The following SPMAP2L variants were observed in gnomAD, a reference collection of about 807,000 sequenced individuals.
SPMAP2L encodes sperm microtubule associated protein 2-like.
At chr4:56,563,827 G>T in the SPMAP2L span, among the ~76,000 whole-genome samples, 1 of 152,100 alleles carries the variant, frequency 6.6e-6, no homozygotes, top group Non-Finnish European at 1.5e-5. Context: ...ATCTATGTCC[G>T]TGAGGGATAT....
the SPMAP2L span, among the ~76,000 whole-genome samples, chr4:56,588,634 C>T: frequency 4.6e-5 from 7 of 151,994 alleles, no homozygotes; most frequent in Non-Finnish European, 8.8e-5. Context: ...TTTCTCTATA[C>T]GGGTTAGGCT....
At chr4:56,595,777 T>C in the SPMAP2L span, 3 of 804,740 alleles carry the variant, frequency 3.7e-6, no homozygotes, top group South Asian at 1.3e-5. Flanking sequence ...GAGCATTTGA[T>C]AAGCAAGAAA....
chr4:56,593,923 C>G, the SPMAP2L span: 14 of 1,608,898 alleles, frequency 8.7e-6, no homozygotes, highest in Non-Finnish European at 1.2e-5. Context: ...CAGAAGGTCT[C>G]AAGCGAGCAG....
the SPMAP2L span, among the ~76,000 whole-genome samples, chr4:56,546,084 G>C: frequency 6.6e-6 from 1 of 152,124 alleles, no homozygotes; most frequent in Non-Finnish European, 1.5e-5. Flanking sequence ...ATAAGCCACC[G>C]TGCCCAGCCA....
chr4:56,557,225 G>T, the SPMAP2L span, among the ~76,000 whole-genome samples: 1 of 148,708 alleles, frequency 6.7e-6, no homozygotes, highest in African/African-American at 2.5e-5. Flanking sequence ...CACCAGCCCA[G>T]GTGACAGAGG....
chr4:56,584,492 T>C, the SPMAP2L span: 3 of 1,520,638 alleles, frequency 2.0e-6, no homozygotes, highest in South Asian at 3.6e-5. Context: ...TCCATTTGCA[T>C]ATAGACCCTT....
At chr4:56,604,525 G>A in the SPMAP2L span, among the ~76,000 whole-genome samples, 1 of 151,866 alleles carries the variant, frequency 6.6e-6, no homozygotes, top group Non-Finnish European at 1.5e-5. Context: ...TGGTGTGGTG[G>A]TACACACCTG....
the SPMAP2L span, among the ~76,000 whole-genome samples, chr4:56,617,493 G>C: frequency 1.3e-5 from 2 of 152,142 alleles, no homozygotes; most frequent in African/African-American, 4.8e-5. Context: ...CATGCATTGG[G>C]GGTGTGGCTC....
chr4:56,535,366 G>A, the SPMAP2L span, among the ~76,000 whole-genome samples: 2 of 152,114 alleles, frequency 1.3e-5, no homozygotes, highest in Non-Finnish European at 2.9e-5. Context: ...GTTAAAGATC[G>A]ACCCCTGACC....
chr4:56,543,100 CTT>C, the SPMAP2L span, among the ~76,000 whole-genome samples: 1 of 143,916 alleles, frequency 6.9e-6, no homozygotes. Context: ...TTATGTTTTG[CTT>C]TTTTTTTTTT....
At chr4:56,547,539 C>T in the SPMAP2L span, among the ~76,000 whole-genome samples, 12 of 152,236 alleles carry the variant, frequency 7.9e-5, no homozygotes, top group Admixed American at 4.6e-4. Flanking sequence ...AGCCACTGCA[C>T]GAGGCTGTTT....
chr4:56,594,222 A>G, the SPMAP2L span: 1 of 1,609,398 alleles, frequency 6.2e-7, no homozygotes, highest in Non-Finnish European at 8.5e-7. Flanking sequence ...TTCCTCACCC[A>G]TCAAGTGTTC....
chr4:56,590,949 G>A, the SPMAP2L span, among the ~76,000 whole-genome samples: 1 of 152,172 alleles, frequency 6.6e-6, no homozygotes, highest in Non-Finnish European at 1.5e-5. Context: ...ACATCTTACT[G>A]TGTAAACTTA....
the SPMAP2L span, chr4:56,584,647 T>A: frequency 7.2e-7 from 1 of 1,385,116 alleles, no homozygotes; most frequent in Non-Finnish European, 9.9e-7. Flanking sequence ...AGTTCCTGAT[T>A]GACTTGTAAC....
chr4:56,567,928 A>G, the SPMAP2L span, among the ~76,000 whole-genome samples: 1 of 152,014 alleles, frequency 6.6e-6, no homozygotes, highest in Non-Finnish European at 1.5e-5. Context: ...ATTATTTCAG[A>G]TATTTTTTCT....
the SPMAP2L span, among the ~76,000 whole-genome samples, chr4:56,610,715 C>T: frequency 6.6e-6 from 1 of 151,994 alleles, no homozygotes; most frequent in Non-Finnish European, 1.5e-5. Flanking sequence ...TGACAAAGGA[C>T]TAATATCCAG....
At chr4:56,565,333 G>A in the SPMAP2L span, among the ~76,000 whole-genome samples, 465 of 152,164 alleles carry the variant, frequency 3.1e-3, 1 homozygote, top group Middle Eastern at 0.031. Flanking sequence ...TTTACTTTAT[G>A]TACTCTAAAG....
chr4:56,608,910 C>A, the SPMAP2L span, among the ~76,000 whole-genome samples: 4 of 152,112 alleles, frequency 2.6e-5, no homozygotes, highest in Non-Finnish European at 4.4e-5. Flanking sequence ...CATTCTCAAG[C>A]CTTAATATTT....
chr4:56,613,852 C>G, the SPMAP2L span, among the ~76,000 whole-genome samples: 1 of 152,206 alleles, frequency 6.6e-6, no homozygotes, highest in Non-Finnish European at 1.5e-5. Flanking sequence ...GCAGGACCTA[C>G]CACTTGATCT....
Sources: allele counts gnomAD v4.1 joint callset (sites outside exome capture counted in the v4.1 genomes callset), GRCh38; gene constraint gnomAD v4.1.1; transcripts MANE v1.5; gene names NCBI Gene and HGNC (gene_info 2026-07-23, HGNC 2026-07-21).